The following KIAA0825 variants were observed in gnomAD, a reference collection of about 807,000 sequenced individuals.
KIAA0825 encodes the protein uncharacterized protein KIAA0825.
In KIAA0825, 119 loss-of-function variants were observed where a neutral mutation model predicts 147.6. The ratio of observed to expected loss-of-function variants is 0.81; its 90% CI spans 0.69 to 0.94. The LOEUF is 0.94. Ranked by LOEUF, KIAA0825 falls within the 40% of genes least tolerant of loss-of-function variation. The pLI, the probability that KIAA0825 is intolerant of heterozygous loss-of-function variation, is 0.00. For synonymous variants in KIAA0825, 470 were observed against 518.1 expected, an observed-to-expected ratio of 0.91 and a Z score of 1.26; for missense variants, 1,381 against 1,472.7, an observed-to-expected ratio of 0.94 and a Z score of 1.02.
intron 20 of KIAA0825, among the ~76,000 whole-genome samples, chr5:94,265,107 G>A (rs960392423): frequency 1.3e-5 from 2 of 151,934 alleles, no homozygotes; most frequent in African/African-American, 2.4e-5. Flanking sequence ...TTATTCTATA[G>A]GTTCAGCGAT....
At chr5:94,371,739 C>A (rs1162116635) in intron 20 of KIAA0825, among the ~76,000 whole-genome samples, 2 of 152,180 alleles carry the variant, frequency 1.3e-5, no homozygotes, top group African/African-American at 4.8e-5. Context: ...CTGTATCATT[C>A]TGCCCCTGGC....
chr5:94,439,595 C>T (rs1055205287), intron 14 of KIAA0825, among the ~76,000 whole-genome samples: 1 of 151,952 alleles, frequency 6.6e-6, no homozygotes, highest in African/African-American at 2.4e-5. Context: ...CAGTGTTAAT[C>T]TAATACTCTG....
intron 3 of KIAA0825, among the ~76,000 whole-genome samples, chr5:94,532,090 G>A (rs569747763): frequency 6.6e-6 from 1 of 152,240 alleles, no homozygotes; most frequent in South Asian, 2.1e-4. Context: ...AATAGGCATG[G>A]TTAAATGTCT....
intron 11 of KIAA0825, among the ~76,000 whole-genome samples, 166 bp from the exon 12 acceptor site, chr5:94,462,735 C>A (rs577321073): frequency 6.6e-6 from 1 of 151,848 alleles, no homozygotes; most frequent in African/African-American, 2.4e-5. Context: ...CAAAGACACT[C>A]TTTGAGTTTC....
chr5:94,180,036 T>C (rs1337828895), intron 20 of KIAA0825, among the ~76,000 whole-genome samples: 6 of 152,052 alleles, frequency 3.9e-5, no homozygotes, highest in Non-Finnish European at 8.8e-5. Context: ...AAAAATAGGA[T>C]ATTTTTATAA....
intron 20 of KIAA0825, among the ~76,000 whole-genome samples, chr5:94,376,345 G>A (rs985259675): frequency 1.3e-5 from 2 of 152,158 alleles, no homozygotes; most frequent in Non-Finnish European, 2.9e-5. Flanking sequence ...TGTAATGTCC[G>A]TGACCTTGGG....
At chr5:94,173,221 A>G (rs1201061770) in intron 20 of KIAA0825, among the ~76,000 whole-genome samples, 2 of 146,670 alleles carry the variant, frequency 1.4e-5, no homozygotes, top group African/African-American at 2.8e-5. Flanking sequence ...ATAGGAAACT[A>G]GGGAGTGAGA....
At chr5:94,592,510 G>A (rs1457480990) in intron 1 of KIAA0825, among the ~76,000 whole-genome samples, 1 of 152,160 alleles carries the variant, frequency 6.6e-6, no homozygotes, top group Non-Finnish European at 1.5e-5. Context: ...AGGGTTGGGT[G>A]AGACAACCAA....
intron 9 of KIAA0825, among the ~76,000 whole-genome samples, chr5:94,470,524 C>A (rs1361268932): frequency 3.3e-5 from 5 of 152,150 alleles, no homozygotes; most frequent in Non-Finnish European, 5.9e-5. Flanking sequence ...CAAACACATT[C>A]TTTATTTTTA....
intron 2 of KIAA0825, among the ~76,000 whole-genome samples, chr5:94,549,799 G>C (rs1344332857): frequency 1.3e-5 from 2 of 152,044 alleles, no homozygotes; most frequent in African/African-American, 4.8e-5. Context: ...AGCTTTAAGT[G>C]CTTACATCAA....
At chr5:94,523,899 C>T (rs766998408) in intron 4 of KIAA0825, 31 bp downstream of exon 4, 8 of 1,426,588 alleles carry the variant, frequency 5.6e-6, no homozygotes, top group Non-Finnish European at 7.8e-6. Flanking sequence ...TTACTCATCC[C>T]ACTCCATGAT....
At chr5:94,316,636 A>C (rs1329889432) in intron 20 of KIAA0825, among the ~76,000 whole-genome samples, 2 of 151,728 alleles carry the variant, frequency 1.3e-5, no homozygotes, top group Non-Finnish European at 2.9e-5. Flanking sequence ...GGCTGTCCTG[A>C]GAGTCATATA....
intron 2 of KIAA0825, among the ~76,000 whole-genome samples, chr5:94,573,334 A>C (rs1780343002): frequency 6.8e-6 from 1 of 147,306 alleles, no homozygotes. Flanking sequence ...ACAGTGGCAC[A>C]ATCTCGGCTC....
intron 20 of KIAA0825, among the ~76,000 whole-genome samples, chr5:94,323,342 A>G (rs1292404968): frequency 2.0e-5 from 3 of 151,960 alleles, no homozygotes; most frequent in Admixed American, 6.6e-5. Context: ...TTTCACATCT[A>G]TGAAAATAAA....
At chr5:94,569,709 C>A (rs1779524551) in intron 2 of KIAA0825, 2 of 313,856 alleles carry the variant, frequency 6.4e-6, no homozygotes, top group African/African-American at 2.2e-5. Context: ...CACTAATCAC[C>A]AGATGCTTCA....
intron 19 of KIAA0825, among the ~76,000 whole-genome samples, chr5:94,385,256 G>T (rs1748979754): frequency 6.6e-6 from 1 of 152,140 alleles, no homozygotes; most frequent in African/African-American, 2.4e-5. Context: ...GAAAACAAGA[G>T]TCCAGACTGA....
intron 20 of KIAA0825, among the ~76,000 whole-genome samples, chr5:94,291,155 G>A (rs1436449505): frequency 6.6e-6 from 1 of 151,984 alleles, no homozygotes; most frequent in African/African-American, 2.4e-5. Flanking sequence ...GTCAATTTTG[G>A]CTTTTGTTGC....
At chr5:94,411,722 G>A (rs1007703614) in intron 15 of KIAA0825, among the ~76,000 whole-genome samples, 1 of 152,192 alleles carries the variant, frequency 6.6e-6, no homozygotes, top group African/African-American at 2.4e-5. Flanking sequence ...GCTGAGGCAG[G>A]CAGATCATGA....
intron 3 of KIAA0825, among the ~76,000 whole-genome samples, chr5:94,535,092 T>C: frequency 6.6e-6 from 1 of 152,098 alleles, no homozygotes; most frequent in East Asian, 1.9e-4. Context: ...ATAATGTGTA[T>C]ATATATAGGT....
Sources: gnomAD v4.1 joint callset for allele counts (sites outside exome capture counted in the v4.1 genomes callset) on GRCh38, gnomAD v4.1.1 for gene constraint, MANE v1.5 for transcripts, NCBI Gene and HGNC (gene_info 2026-07-23, HGNC 2026-07-21) for gene names.